Variants in USP25 observed in about 807,000 individuals in gnomAD.
USP25 encodes the protein ubiquitin carboxyl-terminal hydrolase 25.
In USP25, 85 loss-of-function variants were observed where a neutral mutation model predicts 158.5. The ratio of observed to expected loss-of-function variants is 0.54; its 90% confidence interval spans 0.45 to 0.64. USP25 has a LOEUF of 0.64. Ranked by LOEUF, USP25 falls within the 30% of genes least tolerant of loss-of-function variation. The probability of loss-of-function intolerance (pLI) is 0.00; values close to 1 mark genes in which losing one functional copy is unlikely to be tolerated. For missense variants in USP25, 1,242 were observed against 1,327.3 expected, an observed-to-expected ratio of 0.94 and a Z score of 1.00; for synonymous variants, 464 against 460.4, an observed-to-expected ratio of 1.01 and a Z score of -0.10.
intron 20 of USP25, among the ~76,000 whole-genome samples, chr21:15,857,355 A>T (rs1383216725): frequency 6.6e-6 from 1 of 152,152 alleles, no homozygotes; most frequent in Non-Finnish European, 1.5e-5. Flanking sequence ...AACATAGCAG[A>T]GTTGACAAGT....
chr21:15,843,714 G>A lies in USP25; in HGVS notation c.2337+1174G>A, dbSNP rs867525676. 4.6e-5 allele frequency among the ~76,000 whole-genome samples: 7 copies of A among 152,234 alleles called. No homozygotes were observed. Among genetic ancestry groups the A allele is most frequent in the Middle Eastern group, 6.8e-3 (2 of 294 alleles). On this transcript the variant is annotated intron_variant, in intron 18 of 25. Transcript: ENST00000400183. The surrounding 1 kb of genome is among the most constrained non-coding windows in gnomAD (Gnocchi z 4.0). ...TGGATCTGGGATGTCTGCTTCTTGG[G>A]TGATGGTAAGAGGAAAACCTAGGGA... is the stretch of plus-strand genomic sequence containing the variant.
At chr21:15,790,257 G>A (rs934102758) in intron 4 of USP25, among the ~76,000 whole-genome samples, 11 of 151,942 alleles carry the variant, frequency 7.2e-5, no homozygotes, top group African/African-American at 2.4e-4. Context: ...CTGGCCAGTC[G>A]GGTCACTCTT....
chr21:15,785,395 C>T (rs956760002), intron 4 of USP25, among the ~76,000 whole-genome samples: 6 of 152,150 alleles, frequency 3.9e-5, no homozygotes, highest in African/African-American at 9.6e-5. Flanking sequence ...CATGAACAGC[C>T]GCAGAATACA....
chr21:15,856,767 G>A (rs369999843), intron 20 of USP25, among the ~76,000 whole-genome samples: 10 of 152,128 alleles, frequency 6.6e-5, no homozygotes, highest in Admixed American at 2.0e-4. Flanking sequence ...CACCGCACCC[G>A]GCCAGAAGTA....
intron 23 of USP25, among the ~76,000 whole-genome samples, chr21:15,873,409 C>T (rs1217987033): frequency 6.6e-6 from 1 of 152,118 alleles, no homozygotes; most frequent in Non-Finnish European, 1.5e-5. Flanking sequence ...GCATGAGCGA[C>T]TGTGCCTGGC....
At position 15,730,433 on chromosome 21, in the gene USP25, C is replaced by T; in HGVS notation, c.40C>T (p.Gln14Ter). 1 of 1,365,290 alleles carries T rather than the reference C, an allele frequency of 7.3e-7. No homozygotes were observed. The highest frequency in any genetic ancestry group is 9.5e-7 in the Non-Finnish European group (1 of 1,049,842). The allele number at this position is 1,365,290 out of a possible 1,614,324, so 84.6% of individuals were successfully genotyped here. ...EQNVLQQSAA[Q>*]KHQQTFLNQL... Reference sequence around the variant, plus strand: ...GAACGTGCTGCAGCAGAGCGCGGCGCAGAAGGTGAGGCGAGTCCGCCAGCC... The same window carrying T: ...GAACGTGCTGCAGCAGAGCGCGGCGTAGAAGGTGAGGCGAGTCCGCCAGCC... Residue 14 changes from glutamine to a stop codon, truncating the protein, a stop_gained, in exon 1 of 26, where the codon CAG (glutamine) becomes TAG (stop). Coordinates refer to ENST00000400183, the MANE Select transcript of USP25 (RefSeq NM_001283041.3). LOFTEE classifies it high-confidence loss of function.
chr21:15,830,344 A>G (rs532208183), intron 14 of USP25, among the ~76,000 whole-genome samples, 187 bp from the exon 15 acceptor site: 3 of 152,290 alleles, frequency 2.0e-5, no homozygotes, highest in South Asian at 4.1e-4. Context: ...ATGCATTTGT[A>G]CTGTGTCTTT....
chr21:15,853,337 A>C, intron 20 of USP25, among the ~76,000 whole-genome samples: 1 of 152,174 alleles, frequency 6.6e-6, no homozygotes, highest in African/African-American at 2.4e-5. Context: ...ACACGTGTAC[A>C]CATACATGTA....
chr21:15,810,171 C>T (rs2036587986), intron 8 of USP25, among the ~76,000 whole-genome samples: 1 of 152,046 alleles, frequency 6.6e-6, no homozygotes, highest in Non-Finnish European at 1.5e-5. Context: ...GTGTATCTTA[C>T]CATGCACCTG....
At chr21:15,803,075 A>G (rs1336048536) in intron 6 of USP25, among the ~76,000 whole-genome samples, 1 of 151,758 alleles carries the variant, frequency 6.6e-6, no homozygotes, top group Non-Finnish European at 1.5e-5. Context: ...TAGTGAAGAA[A>G]TAGATAACCT....
chr21:15,833,420 T>C lies in USP25; in HGVS notation c.2066T>C (p.Val689Ala). ...ETLPPDLRDF[V>A]EEDNQRFEKE... ...TTACCACCGGATTTGAGAGATTTTG[T>C]TGAGGAAGACAACCAACGATTTGAA... is the stretch of plus-strand genomic sequence containing the variant. Residue 689 changes from valine (V) to alanine (A), a missense_variant, in exon 17 of 26, where the codon GTT (valine) becomes GCT (alanine). By Grantham distance (64) the Val-to-Ala change is moderately conservative. This residue lies in a region of USP25 where 608 missense variants were observed against 605.2 expected (regional missense o/e 1.00). Transcript: ENST00000400183. 1 of 1,614,090 alleles carries C rather than the reference T, an allele frequency of 6.2e-7. No homozygotes were observed. The highest frequency in any genetic ancestry group is 8.5e-7 in the Non-Finnish European group (1 of 1,179,980).
intron 5 of USP25, among the ~76,000 whole-genome samples, chr21:15,794,914 T>TATCTAA (rs1568815163): frequency 6.6e-6 from 1 of 151,570 alleles, no homozygotes; most frequent in Non-Finnish European, 1.5e-5. Flanking sequence ...GTATCTAAAG[T>TATCTAA]AGTACGTGAG....
intron 20 of USP25, among the ~76,000 whole-genome samples, chr21:15,850,677 T>C (rs2038845205): frequency 6.6e-6 from 1 of 152,060 alleles, no homozygotes; most frequent in South Asian, 2.1e-4. Flanking sequence ...TCTAACATTT[T>C]TCATTTTCTG....
intron 1 of USP25, among the ~76,000 whole-genome samples, chr21:15,739,915 C>G (rs1959026255): frequency 6.6e-6 from 1 of 152,120 alleles, no homozygotes; most frequent in South Asian, 2.1e-4. Flanking sequence ...GTCATGACAT[C>G]TTGTTTTATG....
intron 4 of USP25, among the ~76,000 whole-genome samples, chr21:15,782,396 C>T (rs2035015230): frequency 6.6e-6 from 1 of 152,206 alleles, no homozygotes; most frequent in Non-Finnish European, 1.5e-5. Context: ...TTCCGCAGCT[C>T]AACCCTACAT....
intron 8 of USP25, among the ~76,000 whole-genome samples, chr21:15,810,743 T>A (rs927422280): frequency 3.9e-5 from 6 of 152,192 alleles, no homozygotes; most frequent in Non-Finnish European, 7.4e-5. Flanking sequence ...AGAAATGTAT[T>A]CTGATTAAAA....
At position 15,842,445 on chromosome 21, in the gene USP25, G is replaced by A. The variant is rs1052196375; in HGVS notation, c.2242G>A (p.Asp748Asn). The change falls in exon 18 of 26, where the codon GAT becomes AAT. Residue 748 changes from aspartate to asparagine, a missense_variant. Asp to Asn is a conservative substitution (Grantham distance 23, BLOSUM62 1). Coordinates refer to ENST00000400183, the MANE Select transcript of USP25 (RefSeq NM_001283041.3). The part of the protein sequence containing the change: ...PEYLEQPSRS[D>N]FSKHLKEETI... ...ATATCTAGAGCAGCCATCAAGAAGT[G>A]ATTTCTCAAAGCACTTGAAAGAAGA... 1.2e-6 allele frequency: 2 copies of A among 1,613,718 alleles called. No individual in the cohort carries two copies. Among genetic ancestry groups the A allele is most frequent in the South Asian group, 2.2e-5 (2 of 91,070 alleles).
chr21:15,815,996 G>C (rs1024680256), intron 9 of USP25, among the ~76,000 whole-genome samples: 1 of 152,108 alleles, frequency 6.6e-6, no homozygotes, highest in Non-Finnish European at 1.5e-5. Flanking sequence ...TGAAATGTGA[G>C]GACATGAGAT....
chr21:15,805,426 T>A (rs1233330975), intron 7 of USP25, 168 bp downstream of exon 7: 4 of 572,130 alleles, frequency 7.0e-6, no homozygotes, highest in African/African-American at 2.0e-5. Context: ...AAAAGTGATC[T>A]TGAAGGTGTT....
Sources: gnomAD v4.1 joint callset for allele counts (sites outside exome capture counted in the v4.1 genomes callset) on GRCh38, gnomAD v4.1.1 for gene constraint, gnomAD v4.1.1 regional missense constraint, Gnocchi (gnomAD v3.1) non-coding constraint, MANE v1.5 for transcripts, NCBI Gene and HGNC (gene_info 2026-07-23, HGNC 2026-07-21) for gene names.